Variants in SHISA9 observed in about 807,000 individuals in gnomAD.
SHISA9 encodes the protein protein shisa-9.
SHISA9 carries 13 observed loss-of-function variants against 38.0 expected under a neutral mutation model. The observed-to-expected ratio is 0.34, with a 90% CI of 0.22 to 0.54. The LOEUF (loss-of-function observed/expected upper bound fraction) is 0.54, where lower values mean the gene tolerates loss of function less well. SHISA9 is among the 20% of genes least tolerant of loss of function. SHISA9 has a pLI of 0.91. For missense variants in SHISA9, 538 were observed against 575.8 expected (o/e 0.93, Z 0.67); for synonymous variants, 275 against 242.0 (o/e 1.14, Z -1.27).
At chr16:13,274,584 T>G in the SHISA9 span, among the ~76,000 whole-genome samples, 1 of 152,088 alleles carries the variant, frequency 6.6e-6, no homozygotes, top group Admixed American at 6.6e-5. Context: ...TAATTCCCCA[T>G]GGTAGAGATA....
chr16:13,062,608 T>C (rs377701651), intron 2 of SHISA9, among the ~76,000 whole-genome samples: 1 of 152,106 alleles, frequency 6.6e-6, no homozygotes, highest in East Asian at 1.9e-4. Context: ...ATGGTGCTTT[T>C]GAGCCCCTGA....
intron 2 of SHISA9, among the ~76,000 whole-genome samples, chr16:12,957,704 T>C (rs1450366191): frequency 6.6e-6 from 1 of 152,164 alleles, no homozygotes; most frequent in East Asian, 1.9e-4. Flanking sequence ...AACAAAATAC[T>C]ATAAACTAAG....
chr16:13,413,243 C>T, the SHISA9 span, among the ~76,000 whole-genome samples: 2 of 152,202 alleles, frequency 1.3e-5, no homozygotes, highest in Admixed American at 1.3e-4. Context: ...GATCAAATAT[C>T]AGTGAATTTG....
At chr16:12,994,804 CT>C (rs2072437872) in intron 2 of SHISA9, among the ~76,000 whole-genome samples, 1 of 152,118 alleles carries the variant, frequency 6.6e-6, no homozygotes, top group South Asian at 2.1e-4. Context: ...ATGTCCGTAT[CT>C]TTGGCATAGA....
chr16:13,245,458 A>T, the SHISA9 span, among the ~76,000 whole-genome samples: 1 of 152,160 alleles, frequency 6.6e-6, no homozygotes, highest in Non-Finnish European at 1.5e-5. Context: ...TATCTCTATC[A>T]TTGGCTGTTA....
At chr16:13,190,335 C>G (rs573862005) in intron 2 of SHISA9, among the ~76,000 whole-genome samples, 1 of 151,766 alleles carries the variant, frequency 6.6e-6, no homozygotes, top group African/African-American at 2.4e-5. Context: ...GCAAAACACC[C>G]TTTAGTCTTT....
intron 2 of SHISA9, among the ~76,000 whole-genome samples, chr16:13,129,264 T>C (rs2050287515): frequency 6.6e-6 from 1 of 152,190 alleles, no homozygotes; most frequent in Non-Finnish European, 1.5e-5. Flanking sequence ...TCTCAATGCA[T>C]GTATATAATT....
intron 2 of SHISA9, among the ~76,000 whole-genome samples, chr16:12,959,843 G>A (rs77338237): frequency 4.6e-5 from 7 of 152,202 alleles, no homozygotes; most frequent in Admixed American, 6.5e-5. Flanking sequence ...AACAGTTTCC[G>A]CACTCTACAT....
At chr16:13,131,115 T>TA (rs2050302608) in intron 2 of SHISA9, among the ~76,000 whole-genome samples, 1 of 57,828 alleles carries the variant, frequency 1.7e-5, no homozygotes, top group Non-Finnish European at 4.4e-5. Flanking sequence ...TTACTGGGTA[T>TA]TATATACCCA....
At chr16:13,203,839 C>T (rs1411090574) in intron 3 of SHISA9, among the ~76,000 whole-genome samples, 1 of 152,126 alleles carries the variant, frequency 6.6e-6, no homozygotes, top group East Asian at 1.9e-4. Context: ...TACCTACCTA[C>T]ATATGTATTA....
rs529182293 is a variant in SHISA9 at position 13,130,732 on chromosome 16, A to T, written c.692-72662A>T. On this transcript the variant is annotated intron_variant, in intron 2 of 4. Coordinates refer to ENST00000558583, the MANE Select transcript of SHISA9 (RefSeq NM_001145204.3). The stretch of plus-strand genomic sequence containing the variant: ...ATATTTTAGACTTTGTGTACCATGC[A>T]ATCTCTGTTCAACCCCTCAACCCTG... Among the ~76,000 whole-genome samples, 4 of 152,320 alleles carry T rather than the reference A, an allele frequency of 2.6e-5. No individual in the cohort carries two copies. The East Asian group carries it at 7.7e-4, about 29-fold the overall frequency.
At chr16:13,151,047 C>T (rs544605176) in intron 2 of SHISA9, among the ~76,000 whole-genome samples, 61 of 152,248 alleles carry the variant, frequency 4.0e-4, no homozygotes, top group South Asian at 2.5e-3. Flanking sequence ...CTTATATTAT[C>T]ATTAGCATGA....
chr16:13,537,279 T>C, the SHISA9 span, among the ~76,000 whole-genome samples: 2 of 151,696 alleles, frequency 1.3e-5, no homozygotes, highest in Admixed American at 1.3e-4. Context: ...AATACAAAAA[T>C]TTACCGGGCA....
chr16:13,021,989 C>T (rs982241177), intron 2 of SHISA9, among the ~76,000 whole-genome samples: 1 of 152,136 alleles, frequency 6.6e-6, no homozygotes, highest in Non-Finnish European at 1.5e-5. Flanking sequence ...TTTGGTGGGG[C>T]TGCGCTCCCT....
chr16:12,940,048 C>G (rs943613564), intron 2 of SHISA9, among the ~76,000 whole-genome samples: 1 of 152,200 alleles, frequency 6.6e-6, no homozygotes, highest in Non-Finnish European at 1.5e-5. Flanking sequence ...AAGGTTGACC[C>G]TTCCCAAGGG....
chr16:12,932,181 T>C (rs930478666), intron 2 of SHISA9, among the ~76,000 whole-genome samples: 3 of 152,188 alleles, frequency 2.0e-5, no homozygotes, highest in African/African-American at 7.2e-5. Context: ...TCTTTATAAA[T>C]TACCCAGTCT....
the SHISA9 span, among the ~76,000 whole-genome samples, chr16:13,352,655 C>T: frequency 7.1e-6 from 1 of 140,590 alleles, no homozygotes; most frequent in African/African-American, 2.7e-5. Context: ...TTCACCTGGG[C>T]GCAGGCGGGC....
intron 3 of SHISA9, 138 bp from the exon 4 acceptor site, chr16:13,213,115 G>C (rs990106463): frequency 1.9e-5 from 13 of 685,260 alleles, no homozygotes; most frequent in South Asian, 9.6e-5. Context: ...TCCCTTCCCT[G>C]TTCCCTGGGT....
chr16:13,212,728 C>T (rs1173199565), intron 3 of SHISA9, among the ~76,000 whole-genome samples: 1 of 152,158 alleles, frequency 6.6e-6, no homozygotes, highest in African/African-American at 2.4e-5. Flanking sequence ...AGGTAGCCCC[C>T]ACCCCATGGG....
Sources: gnomAD v4.1 joint callset for allele counts (sites outside exome capture counted in the v4.1 genomes callset) on GRCh38, gnomAD v4.1.1 for gene constraint, MANE v1.5 for transcripts, NCBI Gene and HGNC (gene_info 2026-07-23, HGNC 2026-07-21) for gene names.